Variants in HS3ST5 observed in about 807,000 individuals in gnomAD.
HS3ST5 encodes heparan sulfate glucosamine 3-O-sulfotransferase 5.
HS3ST5 carries 10 observed loss-of-function variants against 25.4 expected under a neutral mutation model. The observed-to-expected ratio is 0.39, with a 90% confidence interval of 0.24 to 0.67. The LOEUF is 0.67. Among genes scored for constraint, HS3ST5 ranks in the 30% least tolerant of loss-of-function variants. The pLI is 0.44. For missense variants in HS3ST5, 324 were observed against 420.7 expected (o/e 0.77, Z 2.01); for synonymous variants, 170 against 162.4 (o/e 1.05, Z -0.36).
intron 3 of HS3ST5, among the ~76,000 whole-genome samples, chr6:114,156,322 C>T (rs989607632): frequency 2.6e-5 from 4 of 152,190 alleles, no homozygotes; most frequent in African/African-American, 7.2e-5. Flanking sequence ...AAATTTCTAA[C>T]AATTGGATTA....
chr6:114,095,787 A>C (rs1775393194), intron 3 of HS3ST5, among the ~76,000 whole-genome samples: 2 of 152,058 alleles, frequency 1.3e-5, no homozygotes. Flanking sequence ...TTATCTTACA[A>C]TATTTTCTAC....
chr6:114,084,882 A>T (rs1582582275), intron 3 of HS3ST5: 6 of 532,018 alleles, frequency 1.1e-5, no homozygotes, highest in Non-Finnish European at 1.6e-5. Flanking sequence ...GCCAGGCTGG[A>T]GTTCAGTGGT....
At chr6:114,073,128 T>G (rs1004315775) in intron 3 of HS3ST5, among the ~76,000 whole-genome samples, 1 of 152,182 alleles carries the variant, frequency 6.6e-6, no homozygotes, top group Non-Finnish European at 1.5e-5. Flanking sequence ...CCTTACACCT[T>G]ATACAAAAAT....
intron 1 of HS3ST5, among the ~76,000 whole-genome samples, chr6:114,233,729 C>T (rs1319473026): frequency 6.6e-6 from 1 of 152,058 alleles, no homozygotes; most frequent in African/African-American, 2.4e-5. Flanking sequence ...GAGTTAGAGA[C>T]TGATTATTTT....
rs35775824 is a variant in HS3ST5 at position 114,090,301 on chromosome 6, T to C, written c.-32-27424A>G. The stretch of plus-strand genomic sequence containing the variant: ...TGACTGACATAATTTGGCAATCTGG[T>C]TTATTAGTATACTTTGTAACAAATT... On this transcript the variant is annotated intron_variant, in intron 3 of 4. Transcript: ENST00000312719. 3.2e-3 allele frequency among the ~76,000 whole-genome samples: 487 copies of C among 152,308 alleles called. 1 individual carries two copies. Among genetic ancestry groups the C allele is most frequent in the Middle Eastern group, 6.8e-3 (2 of 294 alleles).
intron 2 of HS3ST5, among the ~76,000 whole-genome samples, chr6:114,188,270 C>T (rs1356123174): frequency 7.0e-6 from 1 of 143,042 alleles, no homozygotes; most frequent in Non-Finnish European, 1.6e-5. Flanking sequence ...TTTTTGGCCT[C>T]CCTCTACACT....
chr6:114,315,358 TTGTC>T (rs1260169757), intron 1 of HS3ST5, among the ~76,000 whole-genome samples: 4 of 152,198 alleles, frequency 2.6e-5, no homozygotes, highest in African/African-American at 9.6e-5. Context: ...TCTTCTGCCT[TTGTC>T]TGATCTGTAT....
At chr6:114,119,201 G>A (rs982330588) in intron 3 of HS3ST5, among the ~76,000 whole-genome samples, 7 of 152,174 alleles carry the variant, frequency 4.6e-5, no homozygotes, top group Admixed American at 6.5e-5. Context: ...CCTGAGGGAC[G>A]ATAAACAAGA....
intron 1 of HS3ST5, among the ~76,000 whole-genome samples, chr6:114,313,361 C>T (rs546636590): frequency 7.2e-5 from 11 of 152,162 alleles, no homozygotes; most frequent in Non-Finnish European, 7.4e-5. Context: ...TAAAGAAAAA[C>T]GTGTTCACAA....
At chr6:114,240,214 A>C (rs979167658) in intron 1 of HS3ST5, among the ~76,000 whole-genome samples, 5 of 152,098 alleles carry the variant, frequency 3.3e-5, no homozygotes, top group African/African-American at 1.2e-4. Flanking sequence ...ACGCTTCCTG[A>C]CCTGGGGCAA....
At chr6:114,326,438 C>T (rs1776179692) in intron 1 of HS3ST5, among the ~76,000 whole-genome samples, 1 of 152,054 alleles carries the variant, frequency 6.6e-6, no homozygotes, top group African/African-American at 2.4e-5. Context: ...AAGTATTTGC[C>T]TAATGACTGA....
At chr6:114,232,450 C>G (rs1771643227) in intron 1 of HS3ST5, among the ~76,000 whole-genome samples, 1 of 152,160 alleles carries the variant, frequency 6.6e-6, no homozygotes, top group Non-Finnish European at 1.5e-5. Context: ...CTCAGCCTCT[C>G]ACAGTGCCAG....
intron 1 of HS3ST5, among the ~76,000 whole-genome samples, chr6:114,330,911 C>T (rs563484232): frequency 7.2e-5 from 11 of 152,310 alleles, no homozygotes; most frequent in Non-Finnish European, 1.3e-4. Context: ...GCAGCAAGCA[C>T]CACATTAACC....
chr6:114,244,811 A>G (rs957024532), intron 1 of HS3ST5, among the ~76,000 whole-genome samples: 4 of 152,204 alleles, frequency 2.6e-5, no homozygotes, highest in African/African-American at 4.8e-5. Context: ...CTCGGCCAAT[A>G]AAGAAGTGAC....
intron 1 of HS3ST5, among the ~76,000 whole-genome samples, chr6:114,237,112 C>T (rs1771894166): frequency 6.6e-6 from 1 of 152,100 alleles, no homozygotes; most frequent in African/African-American, 2.4e-5. Context: ...CTCTTTACAA[C>T]AATCAAAGAC....
At chr6:114,286,386 G>A (rs146666134) in intron 1 of HS3ST5, among the ~76,000 whole-genome samples, 1,605 of 152,074 alleles carry the variant, frequency 0.011, 11 homozygotes, top group Non-Finnish European at 0.016. Flanking sequence ...TTGTAGAGAT[G>A]TGCTTTCAGC....
At chr6:114,246,145 A>G (rs1271771836) in intron 1 of HS3ST5, among the ~76,000 whole-genome samples, 1 of 152,230 alleles carries the variant, frequency 6.6e-6, no homozygotes, top group Non-Finnish European at 1.5e-5. Flanking sequence ...TATATGAGCT[A>G]TATTATATTC....
intron 3 of HS3ST5, among the ~76,000 whole-genome samples, chr6:114,141,799 G>A (rs932440966): frequency 6.6e-6 from 1 of 151,948 alleles, no homozygotes; most frequent in African/African-American, 2.4e-5. Context: ...GCTTGGGACT[G>A]CCAGTGTTCT....
rs4034605 is a variant in HS3ST5, at chr6:114,341,222, GGAGAGAGAGAGA to G, written c.-339+961_-339+972del. Among the ~76,000 whole-genome samples the G allele has an allele frequency of 3.2e-4, 15 of 46,602 alleles. 1 individual carries two copies. The highest frequency in any genetic ancestry group is 1.4e-3 in the East Asian group (3 of 2,118). The allele number at this position is 46,602 out of a possible 152,430, so 30.6% of individuals were successfully genotyped here. A position where few individuals can be genotyped will look rare whatever the true frequency, so the allele number is the denominator to read the frequency against. Reference sequence around the variant, plus strand: ...AGGGAGAGGGAATAGGGAGAGAGGGGGAGAGAGAGAGAGAGAGAGAGAGAGAGAGAGAGAGAG... The same window carrying G: ...AGGGAGAGGGAATAGGGAGAGAGGGGGAGAGAGAGAGAGAGAGAGAGAGAG... On this transcript the variant is annotated intron_variant, in intron 1 of 4. Transcript: ENST00000312719.
Sources: gnomAD v4.1 joint callset for allele counts (sites outside exome capture counted in the v4.1 genomes callset) on GRCh38, gnomAD v4.1.1 for gene constraint, MANE v1.5 for transcripts, NCBI Gene and HGNC (gene_info 2026-07-23, HGNC 2026-07-21) for gene names.